ATP6V0C: variants seen among roughly 807,000 people sequenced by gnomAD.
The protein encoded by ATP6V0C is ATPase H+ transporting V0 subunit c.
In ATP6V0C, 2 loss-of-function variants were observed where a neutral mutation model predicts 10.6. The ratio of observed to expected loss-of-function variants is 0.19; its 90% CI spans 0.08 to 0.59. The LOEUF (loss-of-function observed/expected upper bound fraction) is 0.59, where lower values mean the gene tolerates loss of function less well. Ranked by LOEUF, ATP6V0C falls within the 20% of genes least tolerant of loss-of-function variation. The pLI, the probability that ATP6V0C is intolerant of heterozygous loss-of-function variation, is 0.90. For missense variants in ATP6V0C, 89 were observed against 225.9 expected (o/e 0.39, Z 3.88); for synonymous variants, 128 against 101.3 (o/e 1.26, Z -1.59).
intron 1 of ATP6V0C, chr16:2,518,893 C>T: frequency 3.0e-6 from 1 of 329,240 alleles, no homozygotes; most frequent in East Asian, 5.9e-5. Context: ...ACTGAGGCTC[C>T]CTGGGGTGAC....
chr16:2,513,933 C>T (rs2065862789), upstream of ATP6V0C: 2 of 572,158 alleles, frequency 3.5e-6, no homozygotes, highest in Non-Finnish European at 3.0e-6. Context: ...TCATGTGACG[C>T]GGCCGCGGCC....
At chr16:2,515,042 T>A (rs1030678712) in intron 1 of ATP6V0C, among the ~76,000 whole-genome samples, 26 of 152,066 alleles carry the variant, frequency 1.7e-4, no homozygotes, top group African/African-American at 6.0e-4. Flanking sequence ...GGTGAATGAA[T>A]GACCTTCCTT....
At chr16:2,519,429 A>G (rs756977675) in intron 2 of ATP6V0C, 28 bp downstream of exon 2, 8 of 1,594,494 alleles carry the variant, frequency 5.0e-6, no homozygotes, top group South Asian at 1.1e-5. Flanking sequence ...GCCCCTGCCC[A>G]GGGCTGGAGG....
intron 1 of ATP6V0C, chr16:2,518,963 G>C: frequency 2.1e-6 from 1 of 472,342 alleles, no homozygotes. Flanking sequence ...AAGAGCTGCT[G>C]CTGGAGGAAG....
chr16:2,515,629 A>G (rs1003279319), intron 1 of ATP6V0C, among the ~76,000 whole-genome samples: 1 of 152,048 alleles, frequency 6.6e-6, no homozygotes, highest in African/African-American at 2.4e-5. Flanking sequence ...GCTTCTCCCA[A>G]CAGGCTGCCG....
intron 1 of ATP6V0C, chr16:2,516,815 C>G (rs927273828): frequency 2.0e-5 from 3 of 152,540 alleles, no homozygotes; most frequent in African/African-American, 7.2e-5. Context: ...TCTGTGGCTG[C>G]TGAGCCTAGT....
chr16:2,513,966 G>T lies in ATP6V0C; in HGVS notation c.-138G>T. 5.5e-6 allele frequency: 4 copies of T among 731,234 alleles called. No homozygotes were observed. The South Asian group carries it at 7.5e-5, about 14-fold the overall frequency. 45.3% of individuals were successfully genotyped at this position (731,234 alleles called of 1,614,324 possible). ...GCCGCCATTTTGTTCTGCGGTGCTG[G>T]TATTTAGAGCGCAGCGGCTGACGGG... is the stretch of plus-strand genomic sequence containing the variant. On this transcript the variant is annotated 5_prime_UTR_variant, in exon 1 of 3. Transcript: ENST00000330398.
intron 1 of ATP6V0C, among the ~76,000 whole-genome samples, chr16:2,515,232 T>G (rs758276299): frequency 3.3e-5 from 5 of 152,074 alleles, no homozygotes; most frequent in Non-Finnish European, 5.9e-5. Flanking sequence ...CCCAGGAATG[T>G]GGGTCCGACG....
chr16:2,513,903 T>C (rs2141888321), upstream of ATP6V0C: 1 of 511,744 alleles, frequency 2.0e-6, no homozygotes, highest in East Asian at 3.7e-5. Flanking sequence ...GTGGTACGGC[T>C]CGCAGGGGCG....
At chr16:2,515,386 A>T (rs935514354) in intron 1 of ATP6V0C, among the ~76,000 whole-genome samples, 8 of 152,110 alleles carry the variant, frequency 5.3e-5, no homozygotes, top group African/African-American at 1.9e-4. Flanking sequence ...CCTAGTGCAG[A>T]TATGTGGAGG....
intron 1 of ATP6V0C, among the ~76,000 whole-genome samples, chr16:2,516,325 T>G (rs1015880244): frequency 6.6e-6 from 1 of 151,950 alleles, no homozygotes; most frequent in Non-Finnish European, 1.5e-5. Context: ...CTCAGGCTGG[T>G]CTCAAACTCC....
chr16:2,515,398 T>C (rs2065872209), intron 1 of ATP6V0C, among the ~76,000 whole-genome samples: 1 of 152,148 alleles, frequency 6.6e-6, no homozygotes, highest in Non-Finnish European at 1.5e-5. Flanking sequence ...ATGTGGAGGG[T>C]TTGAACTCCA....
intron 1 of ATP6V0C, among the ~76,000 whole-genome samples, chr16:2,514,619 CG>C (rs1213146284): frequency 2.0e-5 from 3 of 152,154 alleles, no homozygotes; most frequent in Non-Finnish European, 4.4e-5. Context: ...GGCCCAGGAA[CG>C]CCCAGCCGGT....
intron 1 of ATP6V0C, chr16:2,518,991 G>A (rs1279733472): frequency 1.9e-6 from 1 of 514,182 alleles, no homozygotes; most frequent in East Asian, 3.3e-5. Flanking sequence ...CTCTGAGGGT[G>A]GGGGCCTCAC....
In ATP6V0C at chr16:2,519,754, C is replaced by G. The variant is rs774039658; in HGVS notation, c.*9C>G. 4 of 1,588,562 alleles carry G rather than the reference C, an allele frequency of 2.5e-6. No individual in the cohort carries two copies. Among genetic ancestry groups the G allele is most frequent in the Admixed American group, 1.7e-5 (1 of 57,498 alleles). On this transcript the variant is annotated 3_prime_UTR_variant, in exon 3 of 3. Coordinates refer to ENST00000330398, the MANE Select transcript of ATP6V0C (RefSeq NM_001694.4). Reference sequence around the variant, plus strand: ...TCCTCTCCACAAAGTAGACCCTCTCCGAGCCCACCAGCCACAGAATATTAT... The same window carrying G: ...TCCTCTCCACAAAGTAGACCCTCTCGGAGCCCACCAGCCACAGAATATTAT...
chr16:2,519,307 A>G lies in ATP6V0C; in HGVS notation c.169A>G (p.Ile57Val). Reference sequence around the variant, plus strand: ...GCCGGAGCAGATCATGAAGTCCATCATCCCAGTGGTCATGGCTGGCATCAT... The same window carrying G: ...GCCGGAGCAGATCATGAAGTCCATCGTCCCAGTGGTCATGGCTGGCATCAT... ...MRPEQIMKSI[I>V]PVVMAGIIAI... Residue 57 changes from isoleucine to valine, a missense_variant, in exon 2 of 3, where the codon ATC (isoleucine) becomes GTC (valine). By Grantham distance (29) the Ile-to-Val change is conservative. Transcript: ENST00000330398. 1 of 1,614,162 alleles carries G rather than the reference A, an allele frequency of 6.2e-7. No individual in the cohort carries two copies. The highest frequency in any genetic ancestry group is 8.5e-7 in the Non-Finnish European group (1 of 1,180,006).
In ATP6V0C at chr16:2,519,694, G is replaced by A. The variant is rs200837309; in HGVS notation, c.417G>A (p.Glu139=). Residue 139 remains glutamate (E), a synonymous_variant, in exon 3 of 3, where the codon GAG becomes GAA. Transcript: ENST00000330398. The part of the protein sequence containing the change: ...VGMILILIFA[E]VLGLYGLIVA... Reference sequence around the variant, plus strand: ...TGATCCTGATTCTCATCTTCGCCGAGGTGCTCGGCCTCTACGGTCTCATCG... The same window carrying A: ...TGATCCTGATTCTCATCTTCGCCGAAGTGCTCGGCCTCTACGGTCTCATCG... 1 of 1,612,072 alleles carries A rather than the reference G, an allele frequency of 6.2e-7. No individual in the cohort carries two copies. Among genetic ancestry groups the A allele is most frequent in the African/African-American group, 1.3e-5 (1 of 75,018 alleles).
intron 1 of ATP6V0C, among the ~76,000 whole-genome samples, chr16:2,518,488 T>G (rs960294062): frequency 5.9e-5 from 9 of 152,196 alleles, no homozygotes; most frequent in African/African-American, 1.9e-4. Context: ...GTAGTTGGAC[T>G]GTTGATGATC....
At chr16:2,518,463 G>A (rs2065888063) in intron 1 of ATP6V0C, among the ~76,000 whole-genome samples, 1 of 152,196 alleles carries the variant, frequency 6.6e-6, no homozygotes, top group African/African-American at 2.4e-5. Context: ...TCTCTGGGAG[G>A]TCAGCTGAGG....
Sources: gnomAD v4.1 joint callset for allele counts (sites outside exome capture counted in the v4.1 genomes callset) on GRCh38, gnomAD v4.1.1 for gene constraint, MANE v1.5 for transcripts, NCBI Gene and HGNC (gene_info 2026-07-23, HGNC 2026-07-21) for gene names.